FAM184B: variants seen among roughly 807,000 people sequenced by gnomAD.
The protein encoded by FAM184B is family with sequence similarity 184 member B.
Under a neutral mutation model 135.9 loss-of-function variants are expected in FAM184B, and 111 were observed. The ratio of observed to expected loss-of-function variants is 0.82; its 90% CI spans 0.70 to 0.96. The LOEUF (loss-of-function observed/expected upper bound fraction) is 0.96. Ranked by LOEUF, FAM184B falls within the 40% of genes least tolerant of loss-of-function variation. The probability of loss-of-function intolerance (pLI) is 0.00; values close to 1 mark genes in which losing one functional copy is unlikely to be tolerated. For synonymous variants in FAM184B, 552 were observed against 524.8 expected (o/e 1.05, Z -0.71); for missense variants, 1,375 against 1,323.9 (o/e 1.04, Z -0.60).
At position 17,707,746 on chromosome 4, in the gene FAM184B, A is replaced by T. The variant is rs760235483; in HGVS notation, c.933T>A (p.Asn311Lys). 2 of 1,551,942 alleles carry T rather than the reference A, an allele frequency of 1.3e-6. No individual in the cohort carries two copies. Among genetic ancestry groups the T allele is most frequent in the Non-Finnish European group, 1.7e-6 (2 of 1,147,028 alleles). Reference protein sequence around the residue: ...DVQLKEARQENSELKGTAKKL... With the variant: ...DVQLKEARQEKSELKGTAKKL... ...TTTTTGCAGTGCCTTTCAACTCTGA[A>T]TTCTCCTGTCGAGCCTCCTTAAGCT... The change falls in exon 3 of 18, where the codon AAT (asparagine) becomes AAA (lysine). Residue 311 changes from asparagine (N) to lysine (K), a missense_variant. Coordinates refer to ENST00000265018, the MANE Select transcript of FAM184B (RefSeq NM_015688.2).
chr4:17,731,065 C>G (rs1717764421), intron 1 of FAM184B, among the ~76,000 whole-genome samples: 1 of 152,144 alleles, frequency 6.6e-6, no homozygotes, highest in Non-Finnish European at 1.5e-5. Context: ...AATTTCATAT[C>G]CAGCCGAACT....
At chr4:17,635,706 C>A (rs1001809993) in intron 15 of FAM184B, among the ~76,000 whole-genome samples, 5 of 149,282 alleles carry the variant, frequency 3.3e-5, no homozygotes, top group African/African-American at 7.4e-5. Context: ...TACCTTTGTT[C>A]ACACGTAGCA....
At chr4:17,750,496 C>T (rs1199367350) in intron 1 of FAM184B, among the ~76,000 whole-genome samples, 4 of 152,160 alleles carry the variant, frequency 2.6e-5, no homozygotes, top group African/African-American at 4.8e-5. Flanking sequence ...CTCTCAGTGA[C>T]GCTGGCATTT....
chr4:17,682,706 T>G (rs903098059), intron 7 of FAM184B, among the ~76,000 whole-genome samples: 11 of 152,022 alleles, frequency 7.2e-5, no homozygotes, highest in Non-Finnish European at 7.4e-5. Flanking sequence ...GCCATGTTGC[T>G]CAGGCTGGTC....
chr4:17,767,650 GTC>G (rs1718729208), intron 1 of FAM184B, among the ~76,000 whole-genome samples: 1 of 152,176 alleles, frequency 6.6e-6, no homozygotes, highest in African/African-American at 2.4e-5. Flanking sequence ...GGCTGGAACA[GTC>G]TTTGTTTACA....
Position 17,652,830 on chromosome 4 carries a change from C to G in FAM184B, c.2191G>C (p.Glu731Gln). ...CCTCAGTACACTATTGGGTGTATAC[C>G]TAGCAGCAGGGCCTGCTGTGCCTGC... Reference protein sequence around the residue: ...RMQAQQALLLESLRQELSEQQ... With the variant: ...RMQAQQALLLQSLRQELSEQQ... Residue 731 changes from glutamate (E) to glutamine (Q), a missense_variant and splice_region_variant, in exon 11 of 18, where the codon GAG (glutamate) becomes CAG (glutamine). Glu to Gln is a conservative substitution (Grantham distance 29). Coordinates refer to ENST00000265018, the MANE Select transcript of FAM184B (RefSeq NM_015688.2). 6.4e-7 allele frequency: 1 copy of G among 1,550,744 alleles called. No individual in the cohort carries two copies. The highest frequency in any genetic ancestry group is 8.7e-7 in the Non-Finnish European group (1 of 1,146,704).
intron 11 of FAM184B, among the ~76,000 whole-genome samples, chr4:17,649,609 G>A (rs187010073): frequency 5.5e-4 from 83 of 150,868 alleles, no homozygotes; most frequent in African/African-American, 1.9e-3. Flanking sequence ...AATTTACTTC[G>A]TAATCTTTCC....
intron 5 of FAM184B, among the ~76,000 whole-genome samples, chr4:17,703,903 C>T (rs1421795834): frequency 1.3e-5 from 2 of 150,992 alleles, no homozygotes; most frequent in East Asian, 3.9e-4. Context: ...TGCACTCCAG[C>T]CTGGTGACAG....
rs1714882923 is a variant in FAM184B, at chr4:17,630,201, G to A, written c.*2331C>T. On this transcript the variant is annotated 3_prime_UTR_variant, in exon 18 of 18. Transcript: ENST00000265018. Reference sequence around the variant, plus strand: ...TCAACACACAAAAATAGAACCACCTGTATGTAGTCTTTTTGAAAGCACAAA... The same window carrying A: ...TCAACACACAAAAATAGAACCACCTATATGTAGTCTTTTTGAAAGCACAAA... 2.0e-5 allele frequency: 3 copies of A among 152,126 alleles called. No homozygotes were observed. Among genetic ancestry groups the A allele is most frequent in the African/African-American group, 2.4e-5 (1 of 41,432 alleles). The allele number at this position is 152,126 out of a possible 1,614,324, so 9.4% of individuals were successfully genotyped here.
At chr4:17,699,223 C>A (rs2108961383) in intron 5 of FAM184B, among the ~76,000 whole-genome samples, 1 of 151,840 alleles carries the variant, frequency 6.6e-6, no homozygotes, top group African/African-American at 2.4e-5. Flanking sequence ...AACAGAGAGA[C>A]AAGGAATCTG....
At chr4:17,716,204 A>G (rs1027155483) in intron 1 of FAM184B, among the ~76,000 whole-genome samples, 1 of 152,136 alleles carries the variant, frequency 6.6e-6, no homozygotes, top group Non-Finnish European at 1.5e-5. Flanking sequence ...ACCACTGACC[A>G]TGCAAGGGCA....
intron 1 of FAM184B, among the ~76,000 whole-genome samples, chr4:17,722,718 C>G (rs1717557332): frequency 1.3e-5 from 2 of 152,142 alleles, no homozygotes; most frequent in Admixed American, 1.3e-4. Flanking sequence ...GGGAGTCTCC[C>G]CACTGCATAA....
intron 14 of FAM184B, among the ~76,000 whole-genome samples, chr4:17,636,910 G>A (rs1715158809): frequency 6.6e-6 from 1 of 152,212 alleles, no homozygotes; most frequent in Admixed American, 6.5e-5. Flanking sequence ...GGCTTCAAGA[G>A]CCAGGGATGC....
Position 17,646,684 on chromosome 4 carries a change from C to G in FAM184B, c.2346+953G>C, listed in dbSNP as rs1019200782. On this transcript the variant is annotated intron_variant, in intron 12 of 17. Coordinates refer to ENST00000265018, the MANE Select transcript of FAM184B (RefSeq NM_015688.2). Reference sequence around the variant, plus strand: ...ACATGGCACATGCACACATATGTAACAAACCTGCACATTGTGCACATGTAC... The same window carrying G: ...ACATGGCACATGCACACATATGTAAGAAACCTGCACATTGTGCACATGTAC... Among the ~76,000 whole-genome samples the G allele has an allele frequency of 2.4e-4, 36 of 152,230 alleles. 1 individual carries two copies. The highest frequency in any genetic ancestry group is 7.9e-4 in the African/African-American group (33 of 41,538).
chr4:17,708,476 C>A (rs1180972718), intron 2 of FAM184B, among the ~76,000 whole-genome samples: 6 of 151,246 alleles, frequency 4.0e-5, no homozygotes, highest in Non-Finnish European at 7.4e-5. Context: ...GAGATCCTGT[C>A]TGTACTAAAA....
intron 14 of FAM184B, among the ~76,000 whole-genome samples, chr4:17,638,163 T>TTTGTG (rs1715203158): frequency 1.2e-5 from 1 of 84,468 alleles, no homozygotes; most frequent in Non-Finnish European, 2.3e-5. Context: ...TTTTTTTTTT[T>TTTGTG]GAGACAGGGT....
intron 8 of FAM184B, 58 bp from the exon 9 acceptor site, chr4:17,660,145 C>T: frequency 6.5e-7 from 1 of 1,534,642 alleles, no homozygotes; most frequent in Non-Finnish European, 8.8e-7. Context: ...ATGACACTGC[C>T]ACTCCGATAA....
At position 17,696,234 on chromosome 4, in the gene FAM184B, A is replaced by G. The variant is rs77569648; in HGVS notation, c.1378-2822T>C. 2.6e-3 allele frequency among the ~76,000 whole-genome samples: 402 copies of G among 152,342 alleles called. 3 individuals are homozygous for G. Among genetic ancestry groups the G allele is most frequent in the African/African-American group, 8.8e-3 (365 of 41,566 alleles). ...GAGGTTAAACGCCTTGCCCAGGGTCAAGATTTGAACTCAGGAAAGCCTGAT... is the reference window on the plus strand; with the variant it reads ...GAGGTTAAACGCCTTGCCCAGGGTCGAGATTTGAACTCAGGAAAGCCTGAT... On this transcript the variant is annotated intron_variant, in intron 5 of 17. Transcript: ENST00000265018.
chr4:17,648,582 G>T (rs560154138), intron 11 of FAM184B, among the ~76,000 whole-genome samples: 16 of 151,740 alleles, frequency 1.1e-4, no homozygotes, highest in African/African-American at 3.9e-4. Context: ...TCGAACTCCT[G>T]ACCTCAAGTG....
Sources: gnomAD v4.1 joint callset for allele counts (sites outside exome capture counted in the v4.1 genomes callset) on GRCh38, gnomAD v4.1.1 for gene constraint, MANE v1.5 for transcripts, NCBI Gene and HGNC (gene_info 2026-07-23, HGNC 2026-07-21) for gene names.